Variants in PRDM16 observed in about 807,000 individuals in gnomAD.
The protein encoded by PRDM16 is histone-lysine N-methyltransferase PRDM16.
PRDM16 carries 23 observed loss-of-function variants against 110.6 expected under a neutral mutation model. That is an observed-to-expected ratio of 0.21 (90% CI 0.15 to 0.29). The LOEUF (loss-of-function observed/expected upper bound fraction) is 0.29, where lower values mean the gene tolerates loss of function less well. Among genes scored for constraint, PRDM16 ranks in the 10% least tolerant of loss-of-function variants. The pLI is 1.00. For missense variants in PRDM16, 1,615 were observed against 1,794.3 expected (o/e 0.90, Z 1.81); for synonymous variants, 799 against 781.8 (o/e 1.02, Z -0.37).
At chr1:3,099,482 A>G (rs1162809891) in intron 1 of PRDM16, among the ~76,000 whole-genome samples, 1 of 152,240 alleles carries the variant, frequency 6.6e-6, no homozygotes, top group Non-Finnish European at 1.5e-5. Context: ...CTAGCTGAGC[A>G]TTAAACAAGG....
At chr1:3,156,267 G>A (rs376735847) in intron 1 of PRDM16, among the ~76,000 whole-genome samples, 6 of 152,268 alleles carry the variant, frequency 3.9e-5, no homozygotes, top group African/African-American at 1.2e-4. Context: ...CAGTTTCCAC[G>A]CGTTTGATGG....
chr1:3,075,350 G>A lies in PRDM16; in HGVS notation c.37+6054G>A, dbSNP rs1641873711. On this transcript the variant is annotated intron_variant, in intron 1 of 16. Coordinates refer to ENST00000270722, the MANE Select transcript of PRDM16 (RefSeq NM_022114.4). ...CTGTATGCAATTAGTCCATCTTGCC[G>A]GCTGCAATTTATTTTAATAAAAAAA... is the stretch of plus-strand genomic sequence containing the variant. Among the ~76,000 whole-genome samples, 4 of 152,244 alleles carry A rather than the reference G, an allele frequency of 2.6e-5. No homozygotes were observed. In the South Asian group the frequency reaches 6.2e-4, roughly 24 times the overall value.
intron 3 of PRDM16, among the ~76,000 whole-genome samples, chr1:3,289,184 G>C (rs973947517): frequency 6.6e-6 from 1 of 152,210 alleles, no homozygotes; most frequent in Admixed American, 6.5e-5. Flanking sequence ...AGACCCACCA[G>C]TGTGGCCACG....
chr1:3,361,734 C>T (rs1051409031), intron 3 of PRDM16, among the ~76,000 whole-genome samples: 5 of 152,094 alleles, frequency 3.3e-5, no homozygotes, highest in Non-Finnish European at 7.4e-5. Flanking sequence ...GACTGTGACC[C>T]GGGAGCGAGG....
intron 1 of PRDM16, among the ~76,000 whole-genome samples, chr1:3,131,876 T>C (rs1002298112): frequency 6.6e-6 from 1 of 152,156 alleles, no homozygotes; most frequent in African/African-American, 2.4e-5. Flanking sequence ...TTCCTCCTCC[T>C]CCCTCCTGGG....
At position 3,162,245 on chromosome 1, in the gene PRDM16, C is replaced by T. The variant is rs537696127; in HGVS notation, c.38-23880C>T. ...TCACCCCCCAGGAAAACCCCGTGCCCGGTAAATAGTGACTCTGCGTCCCTC... is the reference window on the plus strand; with the variant it reads ...TCACCCCCCAGGAAAACCCCGTGCCTGGTAAATAGTGACTCTGCGTCCCTC... On this transcript the variant is annotated intron_variant, in intron 1 of 16. Coordinates refer to ENST00000270722, the MANE Select transcript of PRDM16 (RefSeq NM_022114.4). Among the ~76,000 whole-genome samples, 19 of 152,294 alleles carry T rather than the reference C, an allele frequency of 1.2e-4. No individual in the cohort carries two copies. In the South Asian group the frequency reaches 1.9e-3, roughly 15 times the overall value.
intron 2 of PRDM16, among the ~76,000 whole-genome samples, chr1:3,225,313 C>T (rs890523905): frequency 1.3e-5 from 2 of 152,132 alleles, no homozygotes; most frequent in Admixed American, 6.5e-5. Context: ...GCCTGGCAAA[C>T]GGCGGTTTGG....
chr1:3,334,624 G>A (rs1323456488), intron 3 of PRDM16, among the ~76,000 whole-genome samples: 2 of 152,118 alleles, frequency 1.3e-5, no homozygotes, highest in South Asian at 2.1e-4. Flanking sequence ...GTGCCCAGTG[G>A]AGGAGACCAG....
At chr1:3,096,680 C>T (rs970141075) in intron 1 of PRDM16, among the ~76,000 whole-genome samples, 1 of 152,194 alleles carries the variant, frequency 6.6e-6, no homozygotes, top group Non-Finnish European at 1.5e-5. Flanking sequence ...AGGAAGACGG[C>T]CCCGTCCCAG....
At chr1:3,162,137 C>T (rs1185672953) in intron 1 of PRDM16, among the ~76,000 whole-genome samples, 1 of 152,158 alleles carries the variant, frequency 6.6e-6, no homozygotes, top group African/African-American at 2.4e-5. Flanking sequence ...TTTTAACCAC[C>T]CGTGAGCGTG....
intron 1 of PRDM16, among the ~76,000 whole-genome samples, chr1:3,151,868 C>G (rs1643781546): frequency 6.6e-6 from 1 of 152,246 alleles, no homozygotes; most frequent in African/African-American, 2.4e-5. Flanking sequence ...TGCCCCCTGT[C>G]TCTGGAGCAC....
intron 1 of PRDM16, among the ~76,000 whole-genome samples, chr1:3,177,415 CTGTT>C (rs1164335829): frequency 6.6e-6 from 1 of 152,224 alleles, no homozygotes; most frequent in African/African-American, 2.4e-5. Context: ...GAAATCAAGA[CTGTT>C]TGAACATCTC....
chr1:3,160,178 G>A (rs1052641234), intron 1 of PRDM16, among the ~76,000 whole-genome samples: 2 of 152,232 alleles, frequency 1.3e-5, no homozygotes, highest in Non-Finnish European at 2.9e-5. Flanking sequence ...GGGCCCTGTG[G>A]GGACCAGCCC....
At chr1:3,071,685 A>G (rs1223851393) in intron 1 of PRDM16, among the ~76,000 whole-genome samples, 4 of 151,488 alleles carry the variant, frequency 2.6e-5, no homozygotes, top group African/African-American at 4.9e-5. Flanking sequence ...TAGGGCCAGC[A>G]CTCCAGCCAG....
intron 1 of PRDM16, among the ~76,000 whole-genome samples, chr1:3,078,860 C>G (rs1202810329): frequency 2.0e-5 from 3 of 152,216 alleles, no homozygotes; most frequent in Non-Finnish European, 4.4e-5. Context: ...CCATGGCTCC[C>G]GTAGCTGGGT....
intron 1 of PRDM16, among the ~76,000 whole-genome samples, chr1:3,133,884 C>T (rs933256810): frequency 2.6e-5 from 4 of 152,190 alleles, no homozygotes; most frequent in Non-Finnish European, 4.4e-5. Context: ...GAGAAATGAT[C>T]GGCCTCCAGG....
chr1:3,154,298 G>A (rs961762218), intron 1 of PRDM16, among the ~76,000 whole-genome samples: 21 of 152,216 alleles, frequency 1.4e-4, no homozygotes, highest in African/African-American at 4.1e-4. Flanking sequence ...TGGGGGGGCA[G>A]GGGGACGCTT....
rs540675018 is a variant in PRDM16, at chr1:3,224,416, C to T, written c.388-19671C>T. Reference sequence around the variant, plus strand: ...TCTGGAGGCCCCGGTGCGCCCCTCTCGCTGGGGTACCAGCTTCCAATTGCC... The same window carrying T: ...TCTGGAGGCCCCGGTGCGCCCCTCTTGCTGGGGTACCAGCTTCCAATTGCC... On this transcript the variant is annotated intron_variant, in intron 2 of 16. Transcript: ENST00000270722. 3.0e-3 allele frequency among the ~76,000 whole-genome samples: 458 copies of T among 152,254 alleles called. 2 individuals carry two copies. Among genetic ancestry groups the T allele is most frequent in the Non-Finnish European group, 4.8e-3 (324 of 68,016 alleles).
intron 3 of PRDM16, among the ~76,000 whole-genome samples, chr1:3,278,161 T>C (rs1416561522): frequency 6.6e-6 from 1 of 152,238 alleles, no homozygotes; most frequent in African/African-American, 2.4e-5. Context: ...TATCATAGCC[T>C]GGCCTTACCG....
Sources: allele counts gnomAD v4.1 joint callset (sites outside exome capture counted in the v4.1 genomes callset), GRCh38; gene constraint gnomAD v4.1.1; transcripts MANE v1.5; gene names NCBI Gene and HGNC (gene_info 2026-07-23, HGNC 2026-07-21).